Variants in CNNM2 observed in about 807,000 individuals in gnomAD.
CNNM2 encodes cyclin and CBS domain divalent metal cation transport mediator 2, also known as metal transporter CNNM2.
A neutral mutation model predicts 66.9 loss-of-function variants in CNNM2; 12 were observed. The observed-to-expected ratio is 0.18, with a 90% CI of 0.11 to 0.29. The LOEUF (loss-of-function observed/expected upper bound fraction) is 0.29. CNNM2 is among the 10% of genes least tolerant of loss of function. The probability of loss-of-function intolerance (pLI) is 1.00; values close to 1 mark genes in which losing one functional copy is unlikely to be tolerated. For synonymous variants in CNNM2, 557 were observed against 501.8 expected (o/e 1.11, Z -1.47); for missense variants, 705 against 1,167.7 (o/e 0.60, Z 5.77).
At chr10:102,992,965 A>G (rs1240660834) in intron 1 of CNNM2, among the ~76,000 whole-genome samples, 1 of 152,046 alleles carries the variant, frequency 6.6e-6, no homozygotes, top group Non-Finnish European at 1.5e-5. Context: ...AGGTCAGTTT[A>G]TCATCTACCT....
chr10:102,937,079 C>T (rs1039583589), intron 1 of CNNM2, among the ~76,000 whole-genome samples: 5 of 152,082 alleles, frequency 3.3e-5, no homozygotes, highest in African/African-American at 7.2e-5. Context: ...TGAGTACACA[C>T]GTGACATCTT....
chr10:102,988,517 G>A (rs1428309026), intron 1 of CNNM2, among the ~76,000 whole-genome samples: 1 of 152,090 alleles, frequency 6.6e-6, no homozygotes, highest in East Asian at 1.9e-4. Context: ...GTCATTTTAA[G>A]AATCTTATAC....
At chr10:102,928,866 A>G (rs889410168) in intron 1 of CNNM2, among the ~76,000 whole-genome samples, 2 of 152,212 alleles carry the variant, frequency 1.3e-5, no homozygotes, top group African/African-American at 2.4e-5. Context: ...CATTCAAACC[A>G]TAGCAATTGT....
intron 6 of CNNM2, among the ~76,000 whole-genome samples, chr10:103,074,875 A>C (rs2065662017): frequency 6.6e-6 from 1 of 152,144 alleles, no homozygotes. Context: ...TCATCACTGG[A>C]GATTCTTGGA....
At chr10:102,928,322 C>T (rs1167886209) in intron 1 of CNNM2, among the ~76,000 whole-genome samples, 1 of 152,168 alleles carries the variant, frequency 6.6e-6, no homozygotes, top group African/African-American at 2.4e-5. Context: ...CATTGTGGCT[C>T]ATGCTTGTAA....
intron 1 of CNNM2, among the ~76,000 whole-genome samples, chr10:103,045,181 T>C (rs1162543318): frequency 6.6e-6 from 1 of 152,214 alleles, no homozygotes; most frequent in Non-Finnish European, 1.5e-5. Context: ...GTGAGAAACC[T>C]ACCGGACCAA....
rs1471193485 is a variant in CNNM2 at position 103,084,003 on chromosome 10, G to A, written c.*6823G>A. The A allele has an allele frequency of 6.6e-6, 1 of 152,212 alleles. No homozygotes were observed. The highest frequency in any genetic ancestry group is 1.5e-5 in the Non-Finnish European group (1 of 68,056). The allele number at this position is 152,212 out of a possible 1,614,324, so 9.4% of individuals were successfully genotyped here. A position where few individuals can be genotyped will look rare whatever the true frequency, so the allele number is the denominator to read the frequency against. On this transcript the variant is annotated 3_prime_UTR_variant, in exon 8 of 8. Transcript: ENST00000369878. ...TCCTGCATTCCCCAGTAATCGGTGTGTATGATACACGTTCTTTTCCATCAC... is the reference window on the plus strand; with the variant it reads ...TCCTGCATTCCCCAGTAATCGGTGTATATGATACACGTTCTTTTCCATCAC...
chr10:102,927,852 C>A (rs552073276), intron 1 of CNNM2, among the ~76,000 whole-genome samples: 1 of 152,138 alleles, frequency 6.6e-6, no homozygotes, highest in Non-Finnish European at 1.5e-5. Flanking sequence ...CAAACCCTCT[C>A]CCTGTGTTAC....
intron 1 of CNNM2, among the ~76,000 whole-genome samples, chr10:103,041,126 A>G (rs1208610037): frequency 6.6e-6 from 1 of 151,938 alleles, no homozygotes; most frequent in African/African-American, 2.4e-5. Flanking sequence ...TGCTGAACCT[A>G]CTTAGCCCCT....
intron 6 of CNNM2, among the ~76,000 whole-genome samples, chr10:103,073,730 T>C (rs973009793): frequency 4.0e-5 from 6 of 151,532 alleles, no homozygotes; most frequent in Admixed American, 1.3e-4. Context: ...GGCGCTGTGG[T>C]GGGCGCCTGT....
chr10:103,010,937 A>C (rs2064330867), intron 1 of CNNM2, among the ~76,000 whole-genome samples: 1 of 152,092 alleles, frequency 6.6e-6, no homozygotes, highest in Non-Finnish European at 1.5e-5. Flanking sequence ...CTTATGTTTT[A>C]TATTACTTTT....
At chr10:102,980,096 G>T (rs1466636032) in intron 1 of CNNM2, among the ~76,000 whole-genome samples, 2 of 151,870 alleles carry the variant, frequency 1.3e-5, no homozygotes, top group African/African-American at 4.8e-5. Flanking sequence ...GTATTTTTTA[G>T]TAGAGACAAG....
At chr10:103,050,711 T>A (rs1228175406) in intron 2 of CNNM2, among the ~76,000 whole-genome samples, 1 of 151,972 alleles carries the variant, frequency 6.6e-6, no homozygotes. Context: ...ACAGTAAGAA[T>A]GTGTTTTTCC....
intron 1 of CNNM2, among the ~76,000 whole-genome samples, chr10:102,944,396 AG>A (rs1183233482): frequency 6.6e-6 from 1 of 152,092 alleles, no homozygotes; most frequent in Non-Finnish European, 1.5e-5. Context: ...TAACTCTTAT[AG>A]TACCTGTCTG....
chr10:102,988,250 C>T (rs5016308), intron 1 of CNNM2, among the ~76,000 whole-genome samples: 12 of 151,874 alleles, frequency 7.9e-5, no homozygotes, highest in Non-Finnish European at 1.3e-4. Context: ...TGCAGTGAGC[C>T]GGGATTGCAC....
At chr10:103,004,252 C>T (rs1303528730) in intron 1 of CNNM2, among the ~76,000 whole-genome samples, 1 of 152,162 alleles carries the variant, frequency 6.6e-6, no homozygotes, top group Non-Finnish European at 1.5e-5. Flanking sequence ...ATCTGCCCGC[C>T]TCAGCCTCCC....
At chr10:103,043,548 C>T (rs933212897) in intron 1 of CNNM2, among the ~76,000 whole-genome samples, 7 of 152,204 alleles carry the variant, frequency 4.6e-5, no homozygotes, top group African/African-American at 1.7e-4. Flanking sequence ...TTAAAAGATG[C>T]AAATGTGGTA....
intron 6 of CNNM2, 129 bp from the exon 7 acceptor site, chr10:103,075,957 C>T (rs933588357): frequency 1.2e-5 from 10 of 842,992 alleles, no homozygotes; most frequent in African/African-American, 5.1e-5. Context: ...GCATACTGTG[C>T]GGCCGAGACA....
chr10:103,032,296 CAAA>C (rs773709624), intron 1 of CNNM2, among the ~76,000 whole-genome samples: 1 of 151,840 alleles, frequency 6.6e-6, no homozygotes, highest in Admixed American at 6.6e-5. Flanking sequence ...CTAAAAAAGA[CAAA>C]AAACAGCTGG....
Sources: allele counts gnomAD v4.1 joint callset (sites outside exome capture counted in the v4.1 genomes callset), GRCh38; gene constraint gnomAD v4.1.1; transcripts MANE v1.5; gene names NCBI Gene and HGNC (gene_info 2026-07-23, HGNC 2026-07-21).